The following HSPA4L variants were observed in gnomAD, a reference collection of about 807,000 sequenced individuals.
The protein encoded by HSPA4L is heat shock protein family A (Hsp70) member 4 like.
Under a neutral mutation model 100.3 loss-of-function variants are expected in HSPA4L, and 48 were observed. The ratio of observed to expected loss-of-function variants is 0.48; its 90% CI spans 0.38 to 0.61. The LOEUF (loss-of-function observed/expected upper bound fraction) is 0.61. HSPA4L is among the 20% of genes least tolerant of loss of function. The pLI, the probability that HSPA4L is intolerant of heterozygous loss-of-function variation, is 0.00. For synonymous variants in HSPA4L, 319 were observed against 328.2 expected (o/e 0.97, Z 0.30); for missense variants, 886 against 988.6 (o/e 0.90, Z 1.39).
Position 127,820,370 on chromosome 4 carries a change from T to G in HSPA4L, c.1675-58T>G, listed in dbSNP as rs561559841. ...TTTTGATTTTACTTTCTGTTTTACC[T>G]CTTAAATCTATTTTTAAGCTAATTT... is the stretch of plus-strand genomic sequence containing the variant. On this transcript the variant is annotated intron_variant, in intron 13 of 18. Transcript: ENST00000296464. 65 of 1,426,418 alleles carry G rather than the reference T, an allele frequency of 4.6e-5. No individual in the cohort carries two copies. In the East Asian group the frequency reaches 1.5e-3, roughly 32 times the overall value. 88.4% of individuals were successfully genotyped at this position (1,426,418 alleles called of 1,614,324 possible).
Position 127,803,731 on chromosome 4 carries a change from G to C in HSPA4L, c.766G>C (p.Val256Leu), listed in dbSNP as rs1243347581. Residue 256 changes from valine to leucine, a missense_variant, in exon 7 of 19, where the codon GTG becomes CTG. Coordinates refer to ENST00000296464, the MANE Select transcript of HSPA4L (RefSeq NM_014278.4). ...GTTCAAGACCAAATATAAGATAAAT[G>C]TGAAAGAAAACTCTCGGGCCTTGTT... is the stretch of plus-strand genomic sequence containing the variant. ...DEFKTKYKIN[V>L]KENSRALLRL... is the part of the protein sequence containing the mutation. 6.2e-7 allele frequency: 1 copy of C among 1,613,930 alleles called. No homozygotes were observed. Among genetic ancestry groups the C allele is most frequent in the South Asian group, 1.1e-5 (1 of 91,078 alleles).
rs527620967 is a variant in HSPA4L, at chr4:127,838,374, T to G, written c.*5500T>G. The G allele has an allele frequency of 6.6e-6, 1 of 152,302 alleles. No individual in the cohort carries two copies. The highest frequency in any genetic ancestry group is 2.1e-4 in the South Asian group (1 of 4,826). The allele number at this position is 152,302 out of a possible 1,614,324, so 9.4% of individuals were successfully genotyped here. Reference sequence around the variant, plus strand: ...TTCCAACATATTGTTAGAGTAAGTATTAAAAGAAAAAGTAGGTTTGCTGAA... The same window carrying G: ...TTCCAACATATTGTTAGAGTAAGTAGTAAAAGAAAAAGTAGGTTTGCTGAA... On this transcript the variant is annotated 3_prime_UTR_variant, in exon 19 of 19. Coordinates refer to ENST00000296464, the MANE Select transcript of HSPA4L (RefSeq NM_014278.4).
chr4:127,837,427 T>A lies in HSPA4L; in HGVS notation c.*4553T>A, dbSNP rs1734235606. 1 of 152,236 alleles carries A rather than the reference T, an allele frequency of 6.6e-6. No homozygotes were observed. Among genetic ancestry groups the A allele is most frequent in the Non-Finnish European group, 1.5e-5 (1 of 68,034 alleles). The allele number at this position is 152,236 out of a possible 1,614,324, so 9.4% of individuals were successfully genotyped here. ...GTAACACTGGTTAAATAGCCCTTGATGACTTTTCATGTGGCATGAGAGGGA... is the reference window on the plus strand; with the variant it reads ...GTAACACTGGTTAAATAGCCCTTGAAGACTTTTCATGTGGCATGAGAGGGA... On this transcript the variant is annotated 3_prime_UTR_variant, in exon 19 of 19. Transcript: ENST00000296464.
rs536070619 is a variant in HSPA4L at position 127,824,982 on chromosome 4, T to A, written c.2046+1358T>A. On this transcript the variant is annotated intron_variant, in intron 16 of 18. Transcript: ENST00000296464. Reference sequence around the variant, plus strand: ...AAACCCTGTCTCTACTAAAAAAAAATACAAAAAATTAGCTGAGCGTGGTGG... The same window carrying A: ...AAACCCTGTCTCTACTAAAAAAAAAAACAAAAAATTAGCTGAGCGTGGTGG... Among the ~76,000 whole-genome samples, 368 of 151,560 alleles carry A rather than the reference T, an allele frequency of 2.4e-3. 1 individual carries two copies. The highest frequency in any genetic ancestry group is 8.3e-3 in the African/African-American group (343 of 41,284).
At chr4:127,793,779 C>A (rs980763461) in intron 1 of HSPA4L, among the ~76,000 whole-genome samples, 1 of 152,138 alleles carries the variant, frequency 6.6e-6, no homozygotes, top group Non-Finnish European at 1.5e-5. Flanking sequence ...CATTGGTCAA[C>A]ACGGTTGAGT....
chr4:127,797,613 T>C (rs1339818388), intron 3 of HSPA4L, among the ~76,000 whole-genome samples: 1 of 150,838 alleles, frequency 6.6e-6, no homozygotes, highest in Non-Finnish European at 1.5e-5. Context: ...TTTTTTTTTT[T>C]TTTTTTGAGA....
In HSPA4L at chr4:127,803,127, T is replaced by C. The variant is rs1733240693; in HGVS notation, c.664-502T>C. ...TTGGTTTTTTGGTTGTGTTTTTTGT[T>C]TTTTTGTGTGTTTTGTTTTTGTTTC... is the stretch of plus-strand genomic sequence containing the variant. On this transcript the variant is annotated intron_variant, in intron 6 of 18. Transcript: ENST00000296464. Among the ~76,000 whole-genome samples the C allele has an allele frequency of 2.0e-5, 3 of 152,186 alleles. No individual in the cohort carries two copies. In the South Asian group the frequency reaches 6.2e-4, roughly 31 times the overall value.
intron 12 of HSPA4L, among the ~76,000 whole-genome samples, chr4:127,817,021 G>A (rs1056361389): frequency 1.3e-5 from 2 of 152,018 alleles, no homozygotes; most frequent in African/African-American, 4.8e-5. Context: ...AACAGGGTTG[G>A]GGAGGTTGTA....
In HSPA4L at chr4:127,782,359, C is replaced by A. The variant is rs528190677; in HGVS notation, c.-192C>A. 1.7e-6 allele frequency: 1 copy of A among 581,396 alleles called. No homozygotes were observed. The highest frequency in any genetic ancestry group is 3.1e-6 in the Non-Finnish European group (1 of 323,952). 36.0% of individuals were successfully genotyped at this position (581,396 alleles called of 1,614,324 possible). On this transcript the variant is annotated 5_prime_UTR_variant, in exon 1 of 19. It adds an upstream start codon to the 5' untranslated region. Coordinates refer to ENST00000296464, the MANE Select transcript of HSPA4L (RefSeq NM_014278.4). ...CCCAGGCTGCGGGACGCGGTGCAGG[C>A]TGCGGCGCTGACGGCCTCTGCTCCT...
intron 5 of HSPA4L, 77 bp downstream of exon 5, chr4:127,801,314 A>AT (rs747460362): frequency 4.6e-4 from 485 of 1,051,642 alleles, no homozygotes; most frequent in Non-Finnish European, 5.4e-4. Context: ...ACAAAGCATT[A>AT]TTTTTTTTTA....
At chr4:127,805,423 CTG>C (rs1733326441) in intron 9 of HSPA4L, among the ~76,000 whole-genome samples, 199 bp downstream of exon 9, 2 of 152,168 alleles carry the variant, frequency 1.3e-5, no homozygotes, top group South Asian at 4.2e-4. Flanking sequence ...TGTAAGGACA[CTG>C]AAAGAATATT....
chr4:127,820,450 A>G lies in HSPA4L; in HGVS notation c.1697A>G (p.Asp566Gly), dbSNP rs775075968. 8 of 1,600,898 alleles carry G rather than the reference A, an allele frequency of 5.0e-6. No homozygotes were observed. The highest frequency in any genetic ancestry group is 6.8e-6 in the Non-Finnish European group (8 of 1,175,566). Residue 566 changes from aspartate (D) to glycine (G), a missense_variant, in exon 14 of 19, where the codon GAC (aspartate) becomes GGC (glycine). Coordinates refer to ENST00000296464, the MANE Select transcript of HSPA4L (RefSeq NM_014278.4). ...KTKSAVSDKQ[D>G]RLNQTLKKGK... ...CAGTCAGCTGTCTCAGACAAACAAG[A>G]CCGATTAAATCAGACACTTAAAAAA...
intron 12 of HSPA4L, among the ~76,000 whole-genome samples, chr4:127,816,905 C>A (rs866026887): frequency 5.3e-5 from 8 of 152,098 alleles, no homozygotes; most frequent in African/African-American, 1.9e-4. Flanking sequence ...TATAAAAATT[C>A]TAAGTGATAA....
chr4:127,824,239 T>C (rs1437470283), intron 16 of HSPA4L, among the ~76,000 whole-genome samples: 1 of 152,204 alleles, frequency 6.6e-6, no homozygotes, highest in African/African-American at 2.4e-5. Flanking sequence ...TATCCATCAT[T>C]TCACTGATGG....
chr4:127,783,610 A>G, intron 1 of HSPA4L: 1 of 1,534,714 alleles, frequency 6.5e-7, no homozygotes, highest in Non-Finnish European at 8.7e-7. Context: ...GTTGCTGCTT[A>G]TAGGCTGCTG....
chr4:127,790,744 T>C (rs923036101), intron 1 of HSPA4L, among the ~76,000 whole-genome samples: 6 of 152,236 alleles, frequency 3.9e-5, no homozygotes, highest in Admixed American at 3.9e-4. Flanking sequence ...ACTAGAAACC[T>C]AGATATTATT....
At chr4:127,832,432 C>G (rs2148802417) in intron 18 of HSPA4L, among the ~76,000 whole-genome samples, 1 of 152,044 alleles carries the variant, frequency 6.6e-6, no homozygotes, top group African/African-American at 2.4e-5. Flanking sequence ...TATAAAGAAA[C>G]AAGTTTTAGA....
chr4:127,789,475 T>C (rs1019286553), intron 1 of HSPA4L, among the ~76,000 whole-genome samples: 1 of 151,996 alleles, frequency 6.6e-6, no homozygotes, highest in African/African-American at 2.4e-5. Flanking sequence ...TGAAACCCTG[T>C]CTCTACTAAA....
In HSPA4L at chr4:127,794,543, T is replaced by C. The variant is rs539696331; in HGVS notation, c.165+409T>C. On this transcript the variant is annotated intron_variant, in intron 2 of 18. Transcript: ENST00000296464. ...CAGAGTAACTCAACGTGGCTACCAC[T>C]AATTTACATAGAATTTGTTGAAGTA... is the stretch of plus-strand genomic sequence containing the variant. Among the ~76,000 whole-genome samples, 9 of 152,244 alleles carry C rather than the reference T, an allele frequency of 5.9e-5. No homozygotes were observed. The South Asian group carries it at 1.9e-3, about 31-fold the overall frequency.
Sources: gnomAD v4.1 joint callset for allele counts (sites outside exome capture counted in the v4.1 genomes callset) on GRCh38, gnomAD v4.1.1 for gene constraint, MANE v1.5 for transcripts, NCBI Gene and HGNC (gene_info 2026-07-23, HGNC 2026-07-21) for gene names.